XPR1: variants seen among roughly 807,000 people sequenced by gnomAD.
XPR1 encodes solute carrier family 53 member 1.
XPR1 carries 28 observed loss-of-function variants against 87.5 expected under a neutral mutation model. The ratio of observed to expected loss-of-function variants is 0.32; its 90% CI spans 0.24 to 0.44. XPR1 has a LOEUF of 0.44. Ranked by LOEUF, XPR1 falls within the 20% of genes least tolerant of loss-of-function variation. XPR1 has a pLI of 1.00. For synonymous variants in XPR1, 300 were observed against 306.1 expected (o/e 0.98, Z 0.21); for missense variants, 559 against 862.3 (o/e 0.65, Z 4.41).
intron 2 of XPR1, among the ~76,000 whole-genome samples, chr1:180,732,177 A>AG (rs1658576161): frequency 1.4e-5 from 2 of 145,654 alleles, no homozygotes; most frequent in Non-Finnish European, 3.0e-5. Context: ...TGGGTGACAA[A>AG]GTGAGACTCC....
At chr1:180,755,919 T>G (rs1161325091) in intron 2 of XPR1, among the ~76,000 whole-genome samples, 2 of 152,218 alleles carry the variant, frequency 1.3e-5, no homozygotes, top group African/African-American at 4.8e-5. Context: ...AAGAAGGTAC[T>G]CAGGAGCTCT....
intron 1 of XPR1, among the ~76,000 whole-genome samples, chr1:180,673,185 A>T (rs2101933213): frequency 6.6e-6 from 1 of 152,234 alleles, no homozygotes; most frequent in Middle Eastern, 3.4e-3. Context: ...TGGAAAGGAG[A>T]TTAGAGATGA....
Position 180,632,142 on chromosome 1 carries a change from C to A in XPR1, c.-60C>A. 1 of 1,562,348 alleles carries A rather than the reference C, an allele frequency of 6.4e-7. No individual in the cohort carries two copies. The highest frequency in any genetic ancestry group is 8.7e-7 in the Non-Finnish European group (1 of 1,152,428). ...CCCATGTGGGGAGGAGTCGGAGTCG[C>A]TGTTGCCGCCGCCGCCTGTAGCTGC... is the stretch of plus-strand genomic sequence containing the variant. On this transcript the variant is annotated 5_prime_UTR_variant, in exon 1 of 15. The change creates a new upstream start codon in the 5' untranslated region. Transcript: ENST00000367590.
chr1:180,821,534 T>A (rs966420960), intron 7 of XPR1, among the ~76,000 whole-genome samples: 2 of 152,206 alleles, frequency 1.3e-5, no homozygotes, highest in African/African-American at 4.8e-5. Flanking sequence ...ATTTGGGACC[T>A]CTTGGAATTC....
At chr1:180,858,489 T>C (rs1487344615) in intron 11 of XPR1, among the ~76,000 whole-genome samples, 1 of 152,218 alleles carries the variant, frequency 6.6e-6, no homozygotes, top group East Asian at 1.9e-4. Flanking sequence ...AACTACTTTT[T>C]TCGTTTTAAA....
intron 1 of XPR1, among the ~76,000 whole-genome samples, chr1:180,640,628 T>C (rs1297020953): frequency 6.6e-6 from 1 of 152,162 alleles, no homozygotes. Context: ...CAGGTCTTAG[T>C]CTGCATAGTT....
At chr1:180,672,210 T>C (rs902496716) in intron 1 of XPR1, among the ~76,000 whole-genome samples, 5 of 152,204 alleles carry the variant, frequency 3.3e-5, no homozygotes, top group African/African-American at 1.2e-4. Context: ...TTAATATACA[T>C]TTAGTTTAAT....
chr1:180,778,736 G>T (rs576922504), intron 2 of XPR1, among the ~76,000 whole-genome samples: 1 of 152,036 alleles, frequency 6.6e-6, no homozygotes, highest in African/African-American at 2.4e-5. Flanking sequence ...CAGTTTGATC[G>T]TGCTTTATAC....
chr1:180,714,696 C>T (rs1329294832), intron 2 of XPR1, among the ~76,000 whole-genome samples: 1 of 152,112 alleles, frequency 6.6e-6, no homozygotes, highest in East Asian at 1.9e-4. Flanking sequence ...CGAACCACCA[C>T]ACCTGACCCT....
chr1:180,833,363 A>G (rs1254627566), intron 9 of XPR1, among the ~76,000 whole-genome samples: 1 of 152,230 alleles, frequency 6.6e-6, no homozygotes, highest in Non-Finnish European at 1.5e-5. Flanking sequence ...AAATGCCCTA[A>G]TTAAAAGACA....
At chr1:180,695,739 G>A (rs1357608856) in intron 2 of XPR1, among the ~76,000 whole-genome samples, 2 of 152,044 alleles carry the variant, frequency 1.3e-5, no homozygotes, top group Non-Finnish European at 2.9e-5. Flanking sequence ...TCAGTTTTCT[G>A]TAAATATGTG....
At chr1:180,797,703 GC>G (rs1649637319) in intron 3 of XPR1, among the ~76,000 whole-genome samples, 1 of 152,030 alleles carries the variant, frequency 6.6e-6, no homozygotes, top group Admixed American at 6.6e-5. Flanking sequence ...ATTTATAGTG[GC>G]CCTTAGATAA....
intron 2 of XPR1, among the ~76,000 whole-genome samples, chr1:180,696,423 T>C (rs1443501223): frequency 6.6e-6 from 1 of 152,038 alleles, no homozygotes; most frequent in African/African-American, 2.4e-5. Context: ...GCAGGACAAC[T>C]TGACTTTCTC....
At chr1:180,758,114 T>TACAC (rs71121050) in intron 2 of XPR1, among the ~76,000 whole-genome samples, 1,609 of 141,162 alleles carry the variant, frequency 0.011, 11 homozygotes, top group Non-Finnish European at 0.014. Flanking sequence ...TATAGAAGGA[T>TACAC]ACACACACAC....
At chr1:180,648,448 A>G (rs1386377351) in intron 1 of XPR1, among the ~76,000 whole-genome samples, 1 of 152,250 alleles carries the variant, frequency 6.6e-6, no homozygotes, top group African/African-American at 2.4e-5. Context: ...AAATGCAAAT[A>G]TGTGGACCCC....
chr1:180,765,726 T>C (rs1420726280), intron 2 of XPR1, among the ~76,000 whole-genome samples: 1 of 152,250 alleles, frequency 6.6e-6, no homozygotes, highest in Non-Finnish European at 1.5e-5. Flanking sequence ...TTGTATTATT[T>C]TTTATTTTCT....
At position 180,771,778 on chromosome 1, in the gene XPR1, T is replaced by C. The variant is rs139502847; in HGVS notation, c.122-15975T>C. 4.0e-3 allele frequency among the ~76,000 whole-genome samples: 611 copies of C among 152,338 alleles called. 2 individuals carry two copies. Among genetic ancestry groups the C allele is most frequent in the Admixed American group, 7.4e-3 (113 of 15,298 alleles). On this transcript the variant is annotated intron_variant, in intron 2 of 14. Transcript: ENST00000367590. ...CAGAGAAGTGATGTTGTGTCCTTCATAGTGCATTTTTTTCAGGGGGTACCT... is the reference window on the plus strand; with the variant it reads ...CAGAGAAGTGATGTTGTGTCCTTCACAGTGCATTTTTTTCAGGGGGTACCT...
intron 1 of XPR1, among the ~76,000 whole-genome samples, chr1:180,660,851 C>T (rs1436670547): frequency 6.6e-6 from 1 of 152,170 alleles, no homozygotes; most frequent in African/African-American, 2.4e-5. Context: ...CTGTAAATAT[C>T]TATTAGGTCC....
In XPR1 at chr1:180,722,601, T is replaced by C. The variant is rs551203312; in HGVS notation, c.121+40190T>C. Among the ~76,000 whole-genome samples, 62 of 152,352 alleles carry C rather than the reference T, an allele frequency of 4.1e-4. 1 individual carries two copies. Among genetic ancestry groups the C allele is most frequent in the African/African-American group, 1.5e-3 (61 of 41,582 alleles). ...AATGTTATTTTATCAGTTTTGTTTT[T>C]ATCTGATAAGTTAATTTATAGTTAT... On this transcript the variant is annotated intron_variant, in intron 2 of 14. Transcript: ENST00000367590.
Sources: gnomAD v4.1 joint callset for allele counts (sites outside exome capture counted in the v4.1 genomes callset) on GRCh38, gnomAD v4.1.1 for gene constraint, MANE v1.5 for transcripts, NCBI Gene and HGNC (gene_info 2026-07-23, HGNC 2026-07-21) for gene names.